Variants in CPLX2 observed in about 807,000 individuals in gnomAD.
The protein encoded by CPLX2 is complexin 2, also known as complexin-2.
CPLX2 carries 5 observed loss-of-function variants against 16.3 expected under a neutral mutation model. The ratio of observed to expected loss-of-function variants is 0.31; its 90% CI spans 0.16 to 0.64. CPLX2 has a LOEUF of 0.64. Ranked by LOEUF, CPLX2 falls within the 30% of genes least tolerant of loss-of-function variation. The pLI, the probability that CPLX2 is intolerant of heterozygous loss-of-function variation, is 0.79. For synonymous variants in CPLX2, 89 were observed against 73.2 expected (o/e 1.22, Z -1.10); for missense variants, 144 against 181.4 (o/e 0.79, Z 1.18).
At chr5:175,840,458 G>A (rs1758924648) in intron 2 of CPLX2, among the ~76,000 whole-genome samples, 1 of 152,192 alleles carries the variant, frequency 6.6e-6, no homozygotes, top group Non-Finnish European at 1.5e-5. Flanking sequence ...CCTTGCCTGA[G>A]AAGGCCAAAA....
At chr5:175,813,659 G>A (rs1275744926) in intron 2 of CPLX2, among the ~76,000 whole-genome samples, 3 of 152,240 alleles carry the variant, frequency 2.0e-5, no homozygotes, top group South Asian at 2.1e-4. Flanking sequence ...AGAGCAGTCC[G>A]AGGCTGCTGA....
intron 1 of CPLX2, among the ~76,000 whole-genome samples, chr5:175,804,132 T>A (rs1758153234): frequency 6.6e-6 from 1 of 152,188 alleles, no homozygotes; most frequent in Admixed American, 6.5e-5. Context: ...ATCAAAATTT[T>A]AAATCAAGAC....
upstream of CPLX2, chr5:175,871,433 CAGAGAGAGAGAGAGAGAGAGAGAGAG>C (rs1224968162): frequency 7.3e-5 from 2 of 27,516 alleles, no homozygotes; most frequent in Non-Finnish European, 1.3e-4. Flanking sequence ...GAGAGAGAGA[CAGAGAGAGAGAGAGAGAGAGAGAGAG>C]AGAGAGAGAG....
intron 2 of CPLX2, among the ~76,000 whole-genome samples, chr5:175,822,058 A>G (rs1337956460): frequency 6.6e-6 from 1 of 152,190 alleles, no homozygotes; most frequent in Non-Finnish European, 1.5e-5. Flanking sequence ...TTTAAGGACC[A>G]GCTCATTTGC....
intron 2 of CPLX2, among the ~76,000 whole-genome samples, chr5:175,838,470 G>A (rs1256917567): frequency 2.0e-5 from 3 of 151,898 alleles, no homozygotes; most frequent in Admixed American, 1.3e-4. Flanking sequence ...GGGTTTCACC[G>A]TGTTAGCCAG....
At chr5:175,852,934 A>G (rs111954670) in intron 2 of CPLX2, among the ~76,000 whole-genome samples, 3,427 of 152,312 alleles carry the variant, frequency 0.022, 129 homozygotes, top group African/African-American at 0.078. Context: ...CACTCCAGTC[A>G]TGTCTGTGAG....
intron 2 of CPLX2, among the ~76,000 whole-genome samples, chr5:175,812,771 G>T (rs1758336716): frequency 6.6e-6 from 1 of 152,170 alleles, no homozygotes; most frequent in African/African-American, 2.4e-5. Context: ...GTTTGGGGAA[G>T]AGAAGGCCTC....
At chr5:175,836,016 G>A (rs1758826076) in intron 2 of CPLX2, among the ~76,000 whole-genome samples, 1 of 152,104 alleles carries the variant, frequency 6.6e-6, no homozygotes, top group African/African-American at 2.4e-5. Context: ...TGGGATTACA[G>A]GCATGAGTCA....
upstream of CPLX2, among the ~76,000 whole-genome samples, chr5:175,870,999 C>A: frequency 6.6e-6 from 1 of 152,084 alleles, no homozygotes; most frequent in Non-Finnish European, 1.5e-5. Flanking sequence ...CCTGGAGCTG[C>A]TCACAGGCAA....
At chr5:175,818,945 G>T (rs912147311) in intron 2 of CPLX2, among the ~76,000 whole-genome samples, 2 of 152,092 alleles carry the variant, frequency 1.3e-5, no homozygotes, top group African/African-American at 4.8e-5. Context: ...TTACAGGCGT[G>T]AGCCACCGCG....
At chr5:175,877,888 A>T (rs2113714240) in intron 1 of CPLX2, among the ~76,000 whole-genome samples, 1 of 152,356 alleles carries the variant, frequency 6.6e-6, no homozygotes, top group Non-Finnish European at 1.5e-5. Context: ...GAAGAGGAGT[A>T]GGGTGCTAAT....
intron 2 of CPLX2, among the ~76,000 whole-genome samples, chr5:175,827,431 AC>A (rs1360193753): frequency 6.6e-6 from 1 of 152,126 alleles, no homozygotes; most frequent in Admixed American, 6.6e-5. Flanking sequence ...ATGGTTTCAT[AC>A]CCAGGCCTCT....
At chr5:175,813,044 C>T (rs1215998071) in intron 2 of CPLX2, among the ~76,000 whole-genome samples, 1 of 152,186 alleles carries the variant, frequency 6.6e-6, no homozygotes, top group Non-Finnish European at 1.5e-5. Context: ...CCACGAGCCA[C>T]CCTCCCAGGG....
At chr5:175,862,612 G>T (rs758752890) in intron 2 of CPLX2, among the ~76,000 whole-genome samples, 2 of 152,238 alleles carry the variant, frequency 1.3e-5, no homozygotes, top group African/African-American at 4.8e-5. Flanking sequence ...GGCCTTCAAG[G>T]CCAGTTTAAA....
intron 2 of CPLX2, among the ~76,000 whole-genome samples, chr5:175,864,785 CGT>C (rs1398468040): frequency 6.6e-6 from 1 of 152,108 alleles, no homozygotes; most frequent in East Asian, 1.9e-4. Context: ...GGTTGACATC[CGT>C]AATGTCCCTA....
intron 2 of CPLX2, among the ~76,000 whole-genome samples, chr5:175,841,653 C>A (rs972603491): frequency 1.3e-5 from 2 of 152,158 alleles, no homozygotes; most frequent in African/African-American, 4.8e-5. Flanking sequence ...CACATGAGTG[C>A]CTCTCACACA....
At chr5:175,855,601 C>T (rs780581304) in intron 2 of CPLX2, among the ~76,000 whole-genome samples, 3 of 152,176 alleles carry the variant, frequency 2.0e-5, no homozygotes, top group African/African-American at 4.8e-5. Flanking sequence ...CCTCTTCTGG[C>T]GTGGCTTTCC....
At chr5:175,866,247 G>T (rs73803078) in intron 2 of CPLX2, among the ~76,000 whole-genome samples, 1 of 152,342 alleles carries the variant, frequency 6.6e-6, no homozygotes, top group African/African-American at 2.4e-5. Context: ...TCATTGGCTA[G>T]CTCTAGGGAG....
chr5:175,859,021 G>A (rs1003411557), intron 2 of CPLX2, among the ~76,000 whole-genome samples: 9 of 152,196 alleles, frequency 5.9e-5, no homozygotes, highest in Admixed American at 2.0e-4. Context: ...ATCACAAGAC[G>A]ATGGAGCCTC....
Sources: gnomAD v4.1 joint callset for allele counts (sites outside exome capture counted in the v4.1 genomes callset) on GRCh38, gnomAD v4.1.1 for gene constraint, MANE v1.5 for transcripts, NCBI Gene and HGNC (gene_info 2026-07-23, HGNC 2026-07-21) for gene names.